MICB: variants seen among roughly 807,000 people sequenced by gnomAD.
The protein encoded by MICB is MHC class I antigen-related protein B.
A neutral mutation model predicts 34.3 loss-of-function variants in MICB; 27 were observed. That is an observed-to-expected ratio of 0.79 (90% CI 0.58 to 1.08). MICB has a LOEUF of 1.08. Ranked by LOEUF, MICB falls within the 50% of genes least tolerant of loss-of-function variation. The probability of loss-of-function intolerance (pLI) is 0.00; values close to 1 mark genes in which losing one functional copy is unlikely to be tolerated. For missense variants in MICB, 426 were observed against 483.1 expected (o/e 0.88, Z 1.11); for synonymous variants, 153 against 187.4 (o/e 0.82, Z 1.50).
Position 31,509,783 on chromosome 6 carries a change from G to A in MICB, c.1026G>A (p.Glu342=). Residue 342 remains glutamate (E), a splice_region_variant and synonymous_variant, in exon 6 of 6, where the codon GAG becomes GAA. Coordinates refer to ENST00000252229, the MANE Select transcript of MICB (RefSeq NM_005931.5). ...TTTACCCGTTTCCCTCTTCTCCAGAGCTTGTGAGCCTGCAGGTCCTGGATC... is the reference window on the plus strand; with the variant it reads ...TTTACCCGTTTCCCTCTTCTCCAGAACTTGTGAGCCTGCAGGTCCTGGATC... The part of the protein sequence containing the change: ...KKKTSAAEGP[E]LVSLQVLDQH... 1 of 1,610,456 alleles carries A rather than the reference G, an allele frequency of 6.2e-7. No individual in the cohort carries two copies. The highest frequency in any genetic ancestry group is 8.5e-7 in the Non-Finnish European group (1 of 1,177,988).
chr6:31,495,457 C>T (rs1364692434), upstream of MICB, among the ~76,000 whole-genome samples: 3 of 152,054 alleles, frequency 2.0e-5, no homozygotes, highest in Non-Finnish European at 2.9e-5. Flanking sequence ...AAGGTGGGGA[C>T]AGGACCCCAG....
chr6:31,509,128 G>A (rs1431052812), intron 5 of MICB, among the ~76,000 whole-genome samples: 2 of 152,214 alleles, frequency 1.3e-5, no homozygotes, highest in Non-Finnish European at 2.9e-5. Context: ...AGGAGCAGTA[G>A]TGACTCAACA....
upstream of MICB, chr6:31,498,098 GC>G (rs1233979601): frequency 1.0e-6 from 1 of 998,912 alleles, no homozygotes; most frequent in African/African-American, 1.7e-5. Flanking sequence ...CGGTCGCTGA[GC>G]GGGGCGCAGG....
chr6:31,498,343 G>A, intron 1 of MICB, 80 bp downstream of exon 1: 2 of 1,259,730 alleles, frequency 1.6e-6, no homozygotes, highest in East Asian at 3.2e-5. Context: ...TGCCGCGAGC[G>A]CTGTGCGGTC....
chr6:31,510,054 G>T lies in MICB; in HGVS notation c.*145G>T. On this transcript the variant is annotated 3_prime_UTR_variant, in exon 6 of 6. Transcript: ENST00000252229. Reference sequence around the variant, plus strand: ...TGCAAAGTGTTAGTAGGTATGAGGTGTTTGCTGCTCTGCCACGTAGAGAGC... The same window carrying T: ...TGCAAAGTGTTAGTAGGTATGAGGTTTTTGCTGCTCTGCCACGTAGAGAGC... 2.2e-6 allele frequency: 2 copies of T among 895,798 alleles called. No homozygotes were observed. The highest frequency in any genetic ancestry group is 3.2e-6 in the Non-Finnish European group (2 of 633,308). The allele number at this position is 895,798 out of a possible 1,614,324, so 55.5% of individuals were successfully genotyped here.
chr6:31,503,231 C>G (rs1160538864), intron 1 of MICB, among the ~76,000 whole-genome samples: 1 of 152,072 alleles, frequency 6.6e-6, no homozygotes, highest in Non-Finnish European at 1.5e-5. Context: ...TCAGGATATT[C>G]CTGGCTTTGT....
Position 31,507,474 on chromosome 6 carries a change from A to G in MICB, c.967A>G (p.Ile323Val). ...TGCTGCTATGCCATGTTTTGTTATT[A>G]TTATTATTCTCTGTGTCCCTTGTTG... is the stretch of plus-strand genomic sequence containing the variant. ...VSAAMPCFVI[I>V]IILCVPCCKK... Residue 323 changes from isoleucine (I) to valine (V), a missense_variant, in exon 5 of 6, where the codon ATT becomes GTT. Physicochemically the swap from Ile to Val is conservative, Grantham distance 29. Transcript: ENST00000252229. This position sits in a 1 kb window ranked among gnomAD's most constrained non-coding sequence, Gnocchi z 6.0. 6.2e-7 allele frequency: 1 copy of G among 1,613,354 alleles called. No individual in the cohort carries two copies. Among genetic ancestry groups the G allele is most frequent in the Non-Finnish European group, 8.5e-7 (1 of 1,179,274 alleles).
At chr6:31,495,948 T>C (rs1764630732), upstream of MICB, among the ~76,000 whole-genome samples, 1 of 152,092 alleles carries the variant, frequency 6.6e-6, no homozygotes, top group African/African-American at 2.4e-5. Context: ...GTCGGTACCA[T>C]CAGGAAGGTT....
At chr6:31,508,906 G>A (rs1765506487) in intron 5 of MICB, among the ~76,000 whole-genome samples, 1 of 152,180 alleles carries the variant, frequency 6.6e-6, no homozygotes, top group Admixed American at 6.5e-5. Context: ...GATGGTGGCT[G>A]TGGCAGCGGC....
upstream of MICB, among the ~76,000 whole-genome samples, chr6:31,495,945 C>A (rs1310527772): frequency 1.3e-5 from 2 of 152,016 alleles, no homozygotes; most frequent in Non-Finnish European, 2.9e-5. Context: ...ACAGTCGGTA[C>A]CATCAGGAAG....
chr6:31,509,661 CTCA>C, intron 5 of MICB, 118 bp from the exon 6 acceptor site: 1 of 1,288,460 alleles, frequency 7.8e-7, no homozygotes, highest in Non-Finnish European at 1.0e-6. Flanking sequence ...AAGTGGGGGC[CTCA>C]TCTTCTCTCA....
At chr6:31,496,724 T>A (rs924474666), upstream of MICB, 6 of 151,666 alleles carry the variant, frequency 4.0e-5, no homozygotes, top group African/African-American at 1.5e-4. Flanking sequence ...GGAGTGAAGA[T>A]GAAACAAAAA....
chr6:31,504,292 C>T (rs1248217454), intron 1 of MICB, among the ~76,000 whole-genome samples: 2 of 83,282 alleles, frequency 2.4e-5, no homozygotes, highest in East Asian at 4.1e-4. Flanking sequence ...TGGAGTCTTG[C>T]TCTGTTGCCC....
In MICB at chr6:31,502,501, A is replaced by T. The variant is rs144742347; in HGVS notation, c.71-3116A>T. The stretch of plus-strand genomic sequence containing the variant: ...TTCCTAGGTATTTTATTTTATTTGT[A>T]GCTAATGAAAATGGGATTCGTTTCT... On this transcript the variant is annotated intron_variant, in intron 1 of 5. Transcript: ENST00000252229. Among the ~76,000 whole-genome samples, 377 of 152,234 alleles carry T rather than the reference A, an allele frequency of 2.5e-3. 1 individual carries two copies. The highest frequency in any genetic ancestry group is 8.8e-3 in the African/African-American group (364 of 41,526).
rs758668810 is a variant in MICB at position 31,507,516 on chromosome 6, G to A, written c.1009G>A (p.Ala337Thr). Reference sequence around the variant, plus strand: ...CCCTTGTTGCAAGAAGAAAACATCAGCGGCAGAGGGTCCAGGTGAGAAAAG... The same window carrying A: ...CCCTTGTTGCAAGAAGAAAACATCAACGGCAGAGGGTCCAGGTGAGAAAAG... ...CVPCCKKKTS[A>T]AEGPELVSLQ... Residue 337 changes from alanine (A) to threonine (T), a missense_variant, in exon 5 of 6, where the codon GCG becomes ACG. By Grantham distance (58) the Ala-to-Thr change is moderately conservative. Transcript: ENST00000252229. The surrounding 1 kb of genome is among the most constrained non-coding windows in gnomAD (Gnocchi z 6.0). 1.2e-6 allele frequency: 2 copies of A among 1,614,160 alleles called. No individual in the cohort carries two copies. The highest frequency in any genetic ancestry group is 2.2e-5 in the South Asian group (2 of 91,080).
chr6:31,502,665 A>G (rs911081299), intron 1 of MICB, among the ~76,000 whole-genome samples: 1 of 152,228 alleles, frequency 6.6e-6, no homozygotes, highest in Non-Finnish European at 1.5e-5. Context: ...GGTTTTCCAA[A>G]TATCAGACCA....
chr6:31,507,679 T>C lies in MICB; in HGVS notation c.1024+148T>C. The C allele has an allele frequency of 1.1e-6, 1 of 939,264 alleles. No homozygotes were observed. Among genetic ancestry groups the C allele is most frequent in the Admixed American group, 2.6e-5 (1 of 38,098 alleles). The allele number at this position is 939,264 out of a possible 1,614,324, so 58.2% of individuals were successfully genotyped here. A position where few individuals can be genotyped will look rare whatever the true frequency, so the allele number is the denominator to read the frequency against. ...GGGTATTTGGGAGGGGAATGGGAGC[T>C]GCATCTCCATCTACACCCATAAGTG... On this transcript the variant is annotated intron_variant, in intron 5 of 5. Coordinates refer to ENST00000252229, the MANE Select transcript of MICB (RefSeq NM_005931.5). This position sits in a 1 kb window ranked among gnomAD's most constrained non-coding sequence, Gnocchi z 6.0.
At chr6:31,505,919 G>T in intron 2 of MICB, 48 bp downstream of exon 2, 4 of 1,544,184 alleles carry the variant, frequency 2.6e-6, no homozygotes, top group African/African-American at 1.4e-5. Flanking sequence ...CTCCAGGAAA[G>T]TTGGAGACAG....
At chr6:31,505,425 C>G (rs1183155307) in intron 1 of MICB, among the ~76,000 whole-genome samples, 192 bp from the exon 2 acceptor site, 1 of 151,958 alleles carries the variant, frequency 6.6e-6, no homozygotes, top group Non-Finnish European at 1.5e-5. Flanking sequence ...CCCCCTTCTT[C>G]TGTTCATCAG....
Sources: gnomAD v4.1 joint callset for allele counts (sites outside exome capture counted in the v4.1 genomes callset) on GRCh38, gnomAD v4.1.1 for gene constraint, Gnocchi (gnomAD v3.1) non-coding constraint, MANE v1.5 for transcripts, NCBI Gene and HGNC (gene_info 2026-07-23, HGNC 2026-07-21) for gene names.